The following PRR16 variants were observed in gnomAD, a reference collection of about 807,000 sequenced individuals.
PRR16 encodes proline rich 16, also known as protein Largen.
Under a neutral mutation model 18.2 loss-of-function variants are expected in PRR16, and 6 were observed. That is an observed-to-expected ratio of 0.33 (90% CI 0.18 to 0.65). PRR16 has a LOEUF of 0.65. Among genes scored for constraint, PRR16 ranks in the 30% least tolerant of loss-of-function variants. The probability of loss-of-function intolerance (pLI) is 0.74; values close to 1 mark genes in which losing one functional copy is unlikely to be tolerated. For synonymous variants in PRR16, 151 were observed against 147.8 expected (o/e 1.02, Z -0.16); for missense variants, 412 against 376.6 (o/e 1.09, Z -0.78).
chr5:120,509,515 C>T (rs1750753017), intron 1 of PRR16, among the ~76,000 whole-genome samples: 1 of 152,026 alleles, frequency 6.6e-6, no homozygotes, highest in Non-Finnish European at 1.5e-5. Context: ...AGAAGGGCTC[C>T]TCCACTGAGA....
intron 1 of PRR16, among the ~76,000 whole-genome samples, chr5:120,590,796 T>C (rs1353946127): frequency 6.6e-6 from 1 of 152,138 alleles, no homozygotes; most frequent in Non-Finnish European, 1.5e-5. Context: ...TATCTCATGA[T>C]ATGCATTCAG....
chr5:120,611,727 G>A (rs913716875), intron 1 of PRR16, among the ~76,000 whole-genome samples: 2 of 152,172 alleles, frequency 1.3e-5, no homozygotes, highest in Non-Finnish European at 2.9e-5. Context: ...CAGGGGTGGG[G>A]CCCACATGGA....
chr5:120,537,634 T>G (rs1019322777), intron 1 of PRR16, among the ~76,000 whole-genome samples: 5 of 147,664 alleles, frequency 3.4e-5, no homozygotes, highest in African/African-American at 1.3e-4. Context: ...CAGAATTACC[T>G]TGCCCATGAC....
intron 1 of PRR16, among the ~76,000 whole-genome samples, chr5:120,604,822 G>A (rs573442407): frequency 3.2e-4 from 48 of 152,274 alleles, no homozygotes; most frequent in African/African-American, 1.2e-3. Context: ...GAAATTCTTT[G>A]TTGGAATGCT....
At chr5:120,557,244 A>G (rs1220103414) in intron 1 of PRR16, among the ~76,000 whole-genome samples, 1 of 151,896 alleles carries the variant, frequency 6.6e-6, no homozygotes, top group Non-Finnish European at 1.5e-5. Context: ...TCATAAAAGG[A>G]AGTTTTCAGT....
chr5:120,779,580 A>G, the PRR16 span, among the ~76,000 whole-genome samples: 1 of 151,854 alleles, frequency 6.6e-6, no homozygotes, highest in African/African-American at 2.4e-5. Context: ...GTTCGTGCAA[A>G]ATGACACAGT....
At chr5:120,610,478 T>G (rs2112804580) in intron 1 of PRR16, among the ~76,000 whole-genome samples, 1 of 152,144 alleles carries the variant, frequency 6.6e-6, no homozygotes, top group East Asian at 1.9e-4. Flanking sequence ...TCAACTTGAG[T>G]TACATGTCTC....
At chr5:120,782,925 T>C in the PRR16 span, among the ~76,000 whole-genome samples, 1 of 152,138 alleles carries the variant, frequency 6.6e-6, no homozygotes, top group Non-Finnish European at 1.5e-5. Flanking sequence ...CTTAAAGATT[T>C]AAATTGTCAT....
intron 1 of PRR16, among the ~76,000 whole-genome samples, chr5:120,668,868 C>T (rs1756491524): frequency 6.6e-6 from 1 of 152,146 alleles, no homozygotes; most frequent in African/African-American, 2.4e-5. Context: ...CCCGACCTTT[C>T]TCTCTGGCTG....
At chr5:120,572,182 T>C (rs1752930064) in intron 1 of PRR16, among the ~76,000 whole-genome samples, 1 of 152,150 alleles carries the variant, frequency 6.6e-6, no homozygotes, top group African/African-American at 2.4e-5. Flanking sequence ...TCATATTGTA[T>C]TGGTCAAAGC....
At chr5:120,586,608 T>C (rs1214175241) in intron 1 of PRR16, among the ~76,000 whole-genome samples, 1 of 152,178 alleles carries the variant, frequency 6.6e-6, no homozygotes, top group Admixed American at 6.5e-5. Context: ...TCTTCAATGT[T>C]ACTATTGTAA....
the PRR16 span, among the ~76,000 whole-genome samples, chr5:120,721,390 G>A: frequency 6.6e-6 from 1 of 151,996 alleles, no homozygotes; most frequent in African/African-American, 2.4e-5. Context: ...GACAGGTTAG[G>A]AAGAAGGGGC....
At chr5:120,682,873 T>C (rs1162478818) in intron 1 of PRR16, among the ~76,000 whole-genome samples, 1 of 152,174 alleles carries the variant, frequency 6.6e-6, no homozygotes, top group African/African-American at 2.4e-5. Flanking sequence ...ACTGAAGAAA[T>C]AACCCTCGGA....
At chr5:120,472,929 C>T (rs1248626474) in intron 1 of PRR16, among the ~76,000 whole-genome samples, 1 of 152,112 alleles carries the variant, frequency 6.6e-6, no homozygotes, top group Non-Finnish European at 1.5e-5. Flanking sequence ...TTTCAGAACT[C>T]ATTGTAAATT....
chr5:120,532,211 G>A (rs954817575), intron 1 of PRR16, among the ~76,000 whole-genome samples: 5 of 151,972 alleles, frequency 3.3e-5, no homozygotes, highest in South Asian at 2.1e-4. Flanking sequence ...ATGCTTATCC[G>A]GCCATGCCAT....
chr5:120,479,999 T>C (rs1310097642), intron 1 of PRR16, among the ~76,000 whole-genome samples: 2 of 152,218 alleles, frequency 1.3e-5, no homozygotes. Context: ...CATTTTAAAA[T>C]AAAATTCAAA....
At chr5:120,557,431 G>C (rs1410366102) in intron 1 of PRR16, among the ~76,000 whole-genome samples, 2 of 151,652 alleles carry the variant, frequency 1.3e-5, no homozygotes, top group Non-Finnish European at 2.9e-5. Context: ...CTACTTACAT[G>C]ATATTTGATT....
At chr5:120,777,935 C>T in the PRR16 span, among the ~76,000 whole-genome samples, 1 of 152,072 alleles carries the variant, frequency 6.6e-6, no homozygotes, top group Non-Finnish European at 1.5e-5. Context: ...GAACCAAACA[C>T]TGAAACTACT....
At chr5:120,639,475 A>G (rs1369069978) in intron 1 of PRR16, among the ~76,000 whole-genome samples, 2 of 152,136 alleles carry the variant, frequency 1.3e-5, no homozygotes, top group Non-Finnish European at 2.9e-5. Context: ...AAGACCTAAA[A>G]GAATGGTAGC....
Sources: allele counts gnomAD v4.1 joint callset (sites outside exome capture counted in the v4.1 genomes callset), GRCh38; gene constraint gnomAD v4.1.1; transcripts MANE v1.5; gene names NCBI Gene and HGNC (gene_info 2026-07-23, HGNC 2026-07-21).